DOP1A: variants seen among roughly 807,000 people sequenced by gnomAD.
The protein encoded by DOP1A is DOP1 leucine zipper like protein A, also known as protein DOP1A.
In DOP1A, 90 loss-of-function variants were observed where a neutral mutation model predicts 267.6. The ratio of observed to expected loss-of-function variants is 0.34; its 90% CI spans 0.28 to 0.40. The LOEUF is 0.40. Ranked by LOEUF, DOP1A falls within the 10% of genes least tolerant of loss-of-function variation. DOP1A has a pLI of 1.00. For missense variants in DOP1A, 2,437 were observed against 2,900.4 expected, an observed-to-expected ratio of 0.84 and a Z score of 3.67; for synonymous variants, 932 against 999.1, an observed-to-expected ratio of 0.93 and a Z score of 1.27.
intron 24 of DOP1A, among the ~76,000 whole-genome samples, chr6:83,144,139 CT>C (rs1286212160): frequency 2.0e-5 from 3 of 152,128 alleles, no homozygotes; most frequent in Non-Finnish European, 4.4e-5. Flanking sequence ...CATGAGTTCA[CT>C]TTTTCTTGGC....
At chr6:83,086,910 T>C (rs1769362759) in intron 1 of DOP1A, among the ~76,000 whole-genome samples, 1 of 148,612 alleles carries the variant, frequency 6.7e-6, no homozygotes, top group Non-Finnish European at 1.5e-5. Context: ...GGTTTTAATT[T>C]TAGTTTTAGT....
rs1437030347 is a variant in DOP1A at position 83,162,985 on chromosome 6, TA to T, written c.7092+69del. The T allele has an allele frequency of 2.4e-5, 36 of 1,499,212 alleles. 1 individual carries two copies. In the South Asian group the frequency reaches 4.9e-4, roughly 20 times the overall value. The allele number at this position is 1,499,212 out of a possible 1,614,324, so 92.9% of individuals were successfully genotyped here. A position where few individuals can be genotyped will look rare whatever the true frequency, so the allele number is the denominator to read the frequency against. On this transcript the variant is annotated intron_variant, in intron 38 of 38. Transcript: ENST00000349129. The stretch of plus-strand genomic sequence containing the variant: ...CATGTTGCATTAGTGAGGTATTTAT[TA>T]AATACTTCCTGGGAAACTGAGAACG...
chr6:83,159,948 C>G lies in DOP1A; in HGVS notation c.6950C>G (p.Pro2317Arg), dbSNP rs1379500094. ...CTCGCATTGCCCTCTGAAAACCTTCCTCAGTTTCAGATGTAAGTAAAAGCA... is the reference window on the plus strand; with the variant it reads ...CTCGCATTGCCCTCTGAAAACCTTCGTCAGTTTCAGATGTAAGTAAAAGCA... ...LALALPSENL[P>R]QFQMYRWAFI... The change falls in exon 37 of 39, where the codon CCT (proline) becomes CGT (arginine). Residue 2317 changes from proline to arginine, a missense_variant. Around this residue, in one of 9 missense-constraint regions of DOP1A, gnomAD observed 197 missense variants for 246.5 expected, o/e 0.80. Transcript: ENST00000349129. The G allele has an allele frequency of 6.2e-7, 1 of 1,614,046 alleles. No individual in the cohort carries two copies. The highest frequency in any genetic ancestry group is 2.2e-5 in the East Asian group (1 of 44,872).
intron 7 of DOP1A, among the ~76,000 whole-genome samples, chr6:83,116,484 A>G (rs1047937769): frequency 1.3e-5 from 2 of 152,176 alleles, no homozygotes; most frequent in Admixed American, 1.3e-4. Flanking sequence ...TAAGCCCAGT[A>G]TTGAGAAGCT....
chr6:83,129,877 A>G (rs951339883), intron 16 of DOP1A, among the ~76,000 whole-genome samples: 3 of 152,198 alleles, frequency 2.0e-5, no homozygotes, highest in Non-Finnish European at 4.4e-5. Flanking sequence ...TTATTGATCA[A>G]TATACTGTTT....
chr6:83,119,790 G>C lies in DOP1A; in HGVS notation c.923G>C (p.Arg308Thr), dbSNP rs747185045. ...GCTATCATAGGACCCAGAAGCACAAGACACAGTAATCCTGAAGAACATGCC... is the reference window on the plus strand; with the variant it reads ...GCTATCATAGGACCCAGAAGCACAACACACAGTAATCCTGAAGAACATGCC... ...NGAIIGPRST[R>T]HSNPEEHATY... Residue 308 changes from arginine to threonine, a missense_variant, in exon 9 of 39, where the codon AGA becomes ACA. Physicochemically the swap from Arg to Thr is moderately conservative, Grantham distance 71. This residue lies in a region of DOP1A where 498 missense variants were observed against 513.5 expected (regional missense o/e 0.97). Transcript: ENST00000349129. 2 of 1,613,114 alleles carry C rather than the reference G, an allele frequency of 1.2e-6. No individual in the cohort carries two copies. The highest frequency in any genetic ancestry group is 2.2e-5 in the South Asian group (2 of 91,030).
At chr6:83,169,822 C>T (rs545372781), downstream of DOP1A, 4 of 457,428 alleles carry the variant, frequency 8.7e-6, no homozygotes, top group African/African-American at 6.0e-5. Flanking sequence ...AATAAAAATC[C>T]AGACCACAAG....
At chr6:83,070,725 A>AT (rs5877835) in intron 1 of DOP1A, among the ~76,000 whole-genome samples, 60 of 150,128 alleles carry the variant, frequency 4.0e-4, no homozygotes, top group Non-Finnish European at 5.5e-4. Context: ...TCCTTTTCAC[A>AT]TTTTTTTTTT....
intron 1 of DOP1A, among the ~76,000 whole-genome samples, chr6:83,077,534 G>A (rs1472362977): frequency 6.6e-6 from 1 of 151,754 alleles, no homozygotes; most frequent in Admixed American, 6.6e-5. Flanking sequence ...TAATTAGCTA[G>A]GCATGTTGGC....
Position 83,128,871 on chromosome 6 carries a change from T to C in DOP1A, c.1720-16T>C, listed in dbSNP as rs1477843493. 4 of 1,512,632 alleles carry C rather than the reference T, an allele frequency of 2.6e-6. No individual in the cohort carries two copies. Among genetic ancestry groups the C allele is most frequent in the Non-Finnish European group, 2.6e-6 (3 of 1,132,498 alleles). 93.7% of individuals were successfully genotyped at this position (1,512,632 alleles called of 1,614,324 possible). ...TTTGCTACTCAGCCTTTTGTTTTCT[T>C]AAAAATCTCTAACAGGTATCATCAG... On this transcript the variant is annotated splice_polypyrimidine_tract_variant and intron_variant, in intron 15 of 38. Transcript: ENST00000349129.
chr6:83,135,961 G>T, intron 20 of DOP1A, 83 bp downstream of exon 20: 6 of 1,474,194 alleles, frequency 4.1e-6, no homozygotes, highest in South Asian at 4.0e-5. Flanking sequence ...ATTGTTGAAA[G>T]AACTGCATGT....
intron 17 of DOP1A, among the ~76,000 whole-genome samples, chr6:83,131,052 C>T (rs1486041840): frequency 1.3e-5 from 2 of 152,040 alleles, no homozygotes; most frequent in African/African-American, 2.4e-5. Flanking sequence ...ACAGTAAAAC[C>T]TCAGCACTCC....
chr6:83,132,757 T>C (rs1778278904), intron 18 of DOP1A, among the ~76,000 whole-genome samples: 1 of 152,196 alleles, frequency 6.6e-6, no homozygotes, highest in Admixed American at 6.6e-5. Context: ...TGTGAGATTA[T>C]ATTATTTGTA....
At chr6:83,094,847 C>A (rs1771150796) in intron 1 of DOP1A, among the ~76,000 whole-genome samples, 2 of 152,038 alleles carry the variant, frequency 1.3e-5, no homozygotes, top group South Asian at 4.1e-4. Context: ...TTAATGTTAT[C>A]CTTTGCAACA....
At chr6:83,107,256 A>G (rs1020626771) in intron 4 of DOP1A, among the ~76,000 whole-genome samples, 7 of 152,130 alleles carry the variant, frequency 4.6e-5, no homozygotes, top group Non-Finnish European at 8.8e-5. Flanking sequence ...TACAGAAAAG[A>G]AAAAAGATAA....
At chr6:83,141,562 TTTAC>T (rs996056965) in intron 23 of DOP1A, among the ~76,000 whole-genome samples, 4 of 152,184 alleles carry the variant, frequency 2.6e-5, no homozygotes, top group Admixed American at 2.0e-4. Context: ...TATGTTTCGT[TTTAC>T]TTAAATAAAA....
At chr6:83,111,325 C>G (rs142657906) in intron 6 of DOP1A, among the ~76,000 whole-genome samples, 23 of 151,552 alleles carry the variant, frequency 1.5e-4, no homozygotes, top group Admixed American at 2.6e-4. Flanking sequence ...AAATAATGCT[C>G]TATTGAACAC....
At chr6:83,151,286 C>T (rs968486946) in intron 27 of DOP1A, among the ~76,000 whole-genome samples, 1 of 152,174 alleles carries the variant, frequency 6.6e-6, no homozygotes. Context: ...TACCAAGTAG[C>T]TGGAACTACA....
At chr6:83,153,452 C>A in intron 30 of DOP1A, 59 bp from the exon 31 acceptor site, 3 of 1,107,370 alleles carry the variant, frequency 2.7e-6, no homozygotes, top group Non-Finnish European at 3.9e-6. Context: ...AAAATCAGTA[C>A]CTTGGGATGA....
Sources: allele counts gnomAD v4.1 joint callset (sites outside exome capture counted in the v4.1 genomes callset), GRCh38; gene constraint gnomAD v4.1.1; regional missense constraint gnomAD v4.1.1; transcripts MANE v1.5; gene names NCBI Gene and HGNC (gene_info 2026-07-23, HGNC 2026-07-21).